The following SAMD5 variants were observed in gnomAD, a reference collection of about 807,000 sequenced individuals.
SAMD5 encodes sterile alpha motif domain containing 5.
In SAMD5, 13 loss-of-function variants were observed where a neutral mutation model predicts 11.3. The ratio of observed to expected loss-of-function variants is 1.15; its 90% CI spans 0.75 to 1.83. SAMD5 has a LOEUF of 1.83. Among genes scored for constraint, SAMD5 ranks in the 40% most tolerant of loss-of-function variants. SAMD5 has a pLI of 0.00. For missense variants in SAMD5, 255 were observed against 239.1 expected (o/e 1.07, Z -0.44); for synonymous variants, 129 against 111.3 (o/e 1.16, Z -1.00).
chr6:147,682,271 T>G (rs1031622962), intron 1 of SAMD5, among the ~76,000 whole-genome samples: 1 of 152,218 alleles, frequency 6.6e-6, no homozygotes, highest in African/African-American at 2.4e-5. Flanking sequence ...TTGTCTAATG[T>G]CCAATGTTAA....
the SAMD5 span, among the ~76,000 whole-genome samples, chr6:147,821,795 ACT>A: frequency 1.3e-5 from 2 of 152,020 alleles, no homozygotes; most frequent in Non-Finnish European, 2.9e-5. Context: ...GCTCTGTGAG[ACT>A]CTGACTTTTT....
At chr6:147,775,020 C>T in the SAMD5 span, among the ~76,000 whole-genome samples, 5 of 152,008 alleles carry the variant, frequency 3.3e-5, no homozygotes, top group Admixed American at 6.6e-5. Context: ...CAGGAGGGGG[C>T]GACCTCCTGG....
chr6:147,877,878 A>ACACACACG, the SAMD5 span, among the ~76,000 whole-genome samples: 3 of 104,448 alleles, frequency 2.9e-5, no homozygotes, highest in African/African-American at 1.4e-4. Flanking sequence ...ACACACACAC[A>ACACACACG]CACGATAGAT....
chr6:147,719,183 C>A (rs1791510558), intron 1 of SAMD5, among the ~76,000 whole-genome samples: 1 of 152,190 alleles, frequency 6.6e-6, no homozygotes, highest in South Asian at 2.1e-4. Flanking sequence ...AGTCAGAAAG[C>A]TGACTTCTCT....
chr6:147,580,745 T>A (rs1789285810), intron 1 of SAMD5, among the ~76,000 whole-genome samples: 1 of 152,234 alleles, frequency 6.6e-6, no homozygotes, highest in South Asian at 2.1e-4. Context: ...ACAATATATA[T>A]CTGGTGAATT....
chr6:147,606,820 AC>A (rs1476834777), intron 1 of SAMD5, among the ~76,000 whole-genome samples: 1 of 152,158 alleles, frequency 6.6e-6, no homozygotes, highest in Non-Finnish European at 1.5e-5. Context: ...CAGCCTTTTC[AC>A]AAGGTCACAC....
chr6:147,802,167 C>T, the SAMD5 span, among the ~76,000 whole-genome samples: 20 of 152,130 alleles, frequency 1.3e-4, no homozygotes, highest in East Asian at 9.6e-4. Context: ...TTTCAAGGGA[C>T]GTGTATCTAG....
At chr6:147,662,347 T>G (rs1248553448) in intron 1 of SAMD5, among the ~76,000 whole-genome samples, 1 of 152,230 alleles carries the variant, frequency 6.6e-6, no homozygotes, top group Non-Finnish European at 1.5e-5. Flanking sequence ...TGCGACTCTG[T>G]AGTGCTCTTG....
chr6:147,777,497 G>A, the SAMD5 span, among the ~76,000 whole-genome samples: 1 of 151,640 alleles, frequency 6.6e-6, no homozygotes, highest in East Asian at 1.9e-4. Context: ...TCTTCTTTTA[G>A]CTCTCTTTTT....
chr6:147,845,915 C>G, the SAMD5 span, among the ~76,000 whole-genome samples: 9 of 152,070 alleles, frequency 5.9e-5, no homozygotes, highest in Non-Finnish European at 1.3e-4. Flanking sequence ...CACACAAAAA[C>G]AAAGCATGGA....
At chr6:147,588,541 G>T (rs1396939340) in intron 1 of SAMD5, among the ~76,000 whole-genome samples, 3 of 151,898 alleles carry the variant, frequency 2.0e-5, no homozygotes, top group African/African-American at 7.2e-5. Flanking sequence ...GGCCAGGCTG[G>T]TCTCAAACTC....
the SAMD5 span, among the ~76,000 whole-genome samples, chr6:147,752,317 ATACCAG>A: frequency 2.3e-4 from 35 of 152,332 alleles, no homozygotes; most frequent in African/African-American, 7.5e-4. Context: ...TTTCATTGTG[ATACCAG>A]TTCTCAGTCT....
chr6:147,758,001 T>C, the SAMD5 span, among the ~76,000 whole-genome samples: 1 of 152,154 alleles, frequency 6.6e-6, no homozygotes, highest in Non-Finnish European at 1.5e-5. Flanking sequence ...TTTGCTTCTA[T>C]GATTTGTTGT....
At chr6:147,929,780 G>A in the SAMD5 span, among the ~76,000 whole-genome samples, 1 of 152,048 alleles carries the variant, frequency 6.6e-6, no homozygotes, top group South Asian at 2.1e-4. Flanking sequence ...ACATTGGGGG[G>A]GAAAGTACAG....
chr6:147,792,284 C>T, the SAMD5 span, among the ~76,000 whole-genome samples: 1 of 152,010 alleles, frequency 6.6e-6, no homozygotes, highest in Admixed American at 6.5e-5. Context: ...AATTCTGAAA[C>T]AAGTATAATA....
the SAMD5 span, among the ~76,000 whole-genome samples, chr6:147,885,217 G>A: frequency 7.2e-5 from 11 of 152,078 alleles, no homozygotes; most frequent in African/African-American, 2.7e-4. Flanking sequence ...CCAGCACTTT[G>A]GGAGGCCAAG....
Position 147,509,342 on chromosome 6 carries a change from C to T in SAMD5, c.414C>T (p.Leu138=). The change falls in exon 1 of 2, where the codon CTC becomes CTT. Residue 138 remains leucine, a synonymous_variant. Coordinates refer to ENST00000367474, the MANE Select transcript of SAMD5 (RefSeq NM_001030060.3). ...TGAAGATCATGATCAGGGATAAGCTCGTCCGTGACGGCATCCACCTGAGCA... is the reference window on the plus strand; with the variant it reads ...TGAAGATCATGATCAGGGATAAGCTTGTCCGTGACGGCATCCACCTGAGCA... ...LKLKIMIRDK[L]VRDGIHLSKP... 1.9e-6 allele frequency: 3 copies of T among 1,579,860 alleles called. No individual in the cohort carries two copies. The highest frequency in any genetic ancestry group is 8.6e-7 in the Non-Finnish European group (1 of 1,164,898).
the SAMD5 span, among the ~76,000 whole-genome samples, chr6:147,935,077 A>G: frequency 6.6e-6 from 1 of 152,206 alleles, no homozygotes; most frequent in African/African-American, 2.4e-5. Flanking sequence ...GTAACGTGCA[A>G]TGTGATTTAG....
chr6:147,638,985 A>C (rs1215238016), intron 1 of SAMD5, among the ~76,000 whole-genome samples: 1 of 152,216 alleles, frequency 6.6e-6, no homozygotes, highest in Non-Finnish European at 1.5e-5. Context: ...GAGATCGAAA[A>C]GTTAGGACAG....
Sources: allele counts gnomAD v4.1 joint callset (sites outside exome capture counted in the v4.1 genomes callset), GRCh38; gene constraint gnomAD v4.1.1; transcripts MANE v1.5; gene names NCBI Gene and HGNC (gene_info 2026-07-23, HGNC 2026-07-21).